FCRL3: variants seen among roughly 807,000 people sequenced by gnomAD.
FCRL3 encodes the protein Fc receptor like 3.
A neutral mutation model predicts 75.0 loss-of-function variants in FCRL3; 89 were observed. The ratio of observed to expected loss-of-function variants is 1.19; its 90% CI spans 1.00 to 1.42. The LOEUF is 1.42. FCRL3 is among the 40% of genes most tolerant of loss of function. FCRL3 has a pLI of 0.00. For missense variants in FCRL3, 946 were observed against 880.0 expected, an observed-to-expected ratio of 1.07 and a Z score of -0.95; for synonymous variants, 376 against 348.5, an observed-to-expected ratio of 1.08 and a Z score of -0.88.
rs1301412816 is a variant in FCRL3, at chr1:157,677,905, G to A, written c.*805C>T. ...ATGGAGTGAGGTAGAGGAAGAGAAT[G>A]GGAGAAGCCACATAGATATAGTAGG... On this transcript the variant is annotated 3_prime_UTR_variant, in exon 15 of 15. Coordinates refer to ENST00000368184, the MANE Select transcript of FCRL3 (RefSeq NM_052939.4). The A allele has an allele frequency of 2.1e-6, 2 of 955,544 alleles. No individual in the cohort carries two copies. Among genetic ancestry groups the A allele is most frequent in the East Asian group, 2.3e-4 (2 of 8,664 alleles). The allele number at this position is 955,544 out of a possible 1,614,324, so 59.2% of individuals were successfully genotyped here.
intron 10 of FCRL3, 87 bp from the exon 11 acceptor site, chr1:157,683,331 A>G: frequency 6.7e-7 from 1 of 1,502,232 alleles, no homozygotes; most frequent in Non-Finnish European, 9.1e-7. Context: ...TAGAAATCAG[A>G]TTCATTCTAG....
rs369461682 is a variant in FCRL3, at chr1:157,699,763, A to G, written c.32-51T>C. 7 of 1,599,396 alleles carry G rather than the reference A, an allele frequency of 4.4e-6. No homozygotes were observed. In the African/African-American group the frequency reaches 5.4e-5, roughly 12 times the overall value. ...CAGACACTCTCCGAAACATTTTCTA[A>G]CAACCTAACCACAACCACTTCTTTT... On this transcript the variant is annotated intron_variant, in intron 2 of 14. Transcript: ENST00000368184.
rs992707720 is a variant in FCRL3 at position 157,700,693 on chromosome 1, G to C, written c.-128C>G. The C allele has an allele frequency of 2.1e-6, 3 of 1,438,060 alleles. No individual in the cohort carries two copies. Among genetic ancestry groups the C allele is most frequent in the Non-Finnish European group, 2.7e-6 (3 of 1,092,722 alleles). The allele number at this position is 1,438,060 out of a possible 1,614,324, so 89.1% of individuals were successfully genotyped here. A position where few individuals can be genotyped will look rare whatever the true frequency, so the allele number is the denominator to read the frequency against. On this transcript the variant is annotated 5_prime_UTR_variant, in exon 1 of 15. It introduces an in-frame stop codon into an upstream open reading frame of the 5' UTR. Coordinates refer to ENST00000368184, the MANE Select transcript of FCRL3 (RefSeq NM_052939.4). ...AAATGCTGTTTGTATCTCAATCCCGGTAGTGATACATTTTTAGAAGTTGGG... is the reference window on the plus strand; with the variant it reads ...AAATGCTGTTTGTATCTCAATCCCGCTAGTGATACATTTTTAGAAGTTGGG...
rs947122182 is a variant in FCRL3, at chr1:157,696,073, T to C, written c.1099A>G (p.Ile367Val). The C allele has an allele frequency of 6.2e-6, 10 of 1,612,738 alleles. No homozygotes were observed. Among genetic ancestry groups the C allele is most frequent in the Non-Finnish European group, 8.5e-6 (10 of 1,179,760 alleles). The change falls in exon 7 of 15, where the codon ATC (isoleucine) becomes GTC (valine). Residue 367 changes from isoleucine to valine, a missense_variant. Coordinates refer to ENST00000368184, the MANE Select transcript of FCRL3 (RefSeq NM_052939.4). Reference protein sequence around the residue: ...YCAADNVHSPILSTWIRVTVR... With the variant: ...YCAADNVHSPVLSTWIRVTVR... ...GTGACTCGAATCCACGTGCTGAGGA[T>C]GGGGCTGTGAACGTTATCAGCTGCA...
intron 13 of FCRL3, 140 bp downstream of exon 13, chr1:157,680,562 G>A: frequency 3.0e-6 from 2 of 663,660 alleles, no homozygotes; most frequent in South Asian, 3.8e-5. Context: ...GAAATGGATA[G>A]ATTCTACAGC....
intron 10 of FCRL3, among the ~76,000 whole-genome samples, chr1:157,685,434 C>A (rs961509327): frequency 6.6e-6 from 1 of 151,998 alleles, no homozygotes; most frequent in African/African-American, 2.4e-5. Context: ...AATCATAAAA[C>A]AAGTTCCTCT....
chr1:157,700,503 G>T lies in FCRL3; in HGVS notation c.-14C>A. The T allele has an allele frequency of 6.2e-7, 1 of 1,614,064 alleles. No homozygotes were observed. Among genetic ancestry groups the T allele is most frequent in the Non-Finnish European group, 8.5e-7 (1 of 1,179,974 alleles). On this transcript the variant is annotated 5_prime_UTR_variant, in exon 2 of 15. Coordinates refer to ENST00000368184, the MANE Select transcript of FCRL3 (RefSeq NM_052939.4). ...CCACAGAAGCATGGGCACCGGCCGG[G>T]CAGAGGGTTGGGAAAGTCTGTCTCA...
intron 11 of FCRL3, among the ~76,000 whole-genome samples, chr1:157,682,612 A>G (rs1337728793): frequency 6.6e-6 from 1 of 152,234 alleles, no homozygotes; most frequent in Non-Finnish European, 1.5e-5. Context: ...GCAAAAACTC[A>G]TATTTGACTA....
At chr1:157,685,483 T>A (rs1217881735) in intron 10 of FCRL3, among the ~76,000 whole-genome samples, 1 of 152,068 alleles carries the variant, frequency 6.6e-6, no homozygotes, top group Non-Finnish European at 1.5e-5. Flanking sequence ...ACAATAATAG[T>A]GGGAGATTTC....
Position 157,690,501 on chromosome 1 carries a change from C to A in FCRL3, c.1444G>T (p.Ala482Ser). The A allele has an allele frequency of 2.5e-6, 4 of 1,614,206 alleles. No homozygotes were observed. The highest frequency in any genetic ancestry group is 1.3e-5 in the African/African-American group (1 of 75,042). The change falls in exon 9 of 15, where the codon GCT becomes TCT. Residue 482 changes from alanine to serine, a missense_variant. Coordinates refer to ENST00000368184, the MANE Select transcript of FCRL3 (RefSeq NM_052939.4). ...PVSRPVLTLR[A>S]PGAQAVVGDL... ...CCCACCACAGCCTGGGCCCCGGGAG[C>A]CCTGAGGGTGAGGACGGGGCGAGAC...
Position 157,700,511 on chromosome 1 carries a change from T to C in FCRL3, c.-22A>G, listed in dbSNP as rs998907796. On this transcript the variant is annotated 5_prime_UTR_variant, in exon 2 of 15. Transcript: ENST00000368184. ...GCATGGGCACCGGCCGGGCAGAGGG[T>C]TGGGAAAGTCTGTCTCACCAAAAGC... 3 of 1,613,288 alleles carry C rather than the reference T, an allele frequency of 1.9e-6. No individual in the cohort carries two copies. Among genetic ancestry groups the C allele is most frequent in the South Asian group, 1.1e-5 (1 of 91,004 alleles).
chr1:157,691,493 T>C (rs1052836363), intron 8 of FCRL3, among the ~76,000 whole-genome samples: 3 of 152,172 alleles, frequency 2.0e-5, no homozygotes, highest in Non-Finnish European at 4.4e-5. Context: ...ATGGCAATGA[T>C]TAAACTTGAA....
chr1:157,699,736 A>G lies in FCRL3; in HGVS notation c.32-24T>C, dbSNP rs369384832. ...AGCTGTGAGGGAGCAGAAAATGACA[A>G]TCAGACACTCTCCGAAACATTTTCT... On this transcript the variant is annotated intron_variant, in intron 2 of 14. Coordinates refer to ENST00000368184, the MANE Select transcript of FCRL3 (RefSeq NM_052939.4). 7.8e-5 allele frequency: 125 copies of G among 1,612,630 alleles called. 1 individual carries two copies. The South Asian group carries it at 1.1e-3, about 14-fold the overall frequency.
intron 13 of FCRL3, 141 bp downstream of exon 13, chr1:157,680,561 A>G: frequency 1.5e-6 from 1 of 658,044 alleles, no homozygotes; most frequent in Non-Finnish European, 2.6e-6. Flanking sequence ...AGAAATGGAT[A>G]GATTCTACAG....
At chr1:157,688,445 A>G (rs1199503618) in intron 10 of FCRL3, among the ~76,000 whole-genome samples, 2 of 152,126 alleles carry the variant, frequency 1.3e-5, no homozygotes, top group African/African-American at 4.8e-5. Flanking sequence ...GCAAAACTTG[A>G]TAGAATTGCA....
chr1:157,698,861 C>T (rs1656135378), intron 3 of FCRL3, among the ~76,000 whole-genome samples: 1 of 152,210 alleles, frequency 6.6e-6, no homozygotes, highest in Non-Finnish European at 1.5e-5. Flanking sequence ...TCTCAGTTTC[C>T]TGGCATAGCC....
intron 8 of FCRL3, among the ~76,000 whole-genome samples, chr1:157,693,024 C>A (rs555436947): frequency 1.2e-3 from 182 of 152,166 alleles, no homozygotes; most frequent in Non-Finnish European, 2.3e-3. Flanking sequence ...GCCTGTAATT[C>A]TAGCACTTTG....
In FCRL3 at chr1:157,683,262, G is replaced by A; in HGVS notation, c.1811-18C>T. ...AAGTCCTCCTGCAAAACAAACAAAG[G>A]AAGGTTGGTGGTAAGTGAGCTGTGT... is the stretch of plus-strand genomic sequence containing the variant. On this transcript the variant is annotated intron_variant, in intron 10 of 14. Coordinates refer to ENST00000368184, the MANE Select transcript of FCRL3 (RefSeq NM_052939.4). 6.2e-7 allele frequency: 1 copy of A among 1,613,358 alleles called. No individual in the cohort carries two copies. The highest frequency in any genetic ancestry group is 8.5e-7 in the Non-Finnish European group (1 of 1,179,684).
At chr1:157,687,866 C>T (rs1655271430) in intron 10 of FCRL3, among the ~76,000 whole-genome samples, 1 of 151,688 alleles carries the variant, frequency 6.6e-6, no homozygotes, top group Non-Finnish European at 1.5e-5. Context: ...AGGATCTGTA[C>T]CCCAAATCTC....
Sources: allele counts gnomAD v4.1 joint callset (sites outside exome capture counted in the v4.1 genomes callset), GRCh38; gene constraint gnomAD v4.1.1; transcripts MANE v1.5; gene names NCBI Gene and HGNC (gene_info 2026-07-23, HGNC 2026-07-21).